Variants in CNTNAP3B observed in about 807,000 individuals in gnomAD.
The protein encoded by CNTNAP3B is contactin associated protein family member 3B, also known as contactin-associated protein-like 3B.
In CNTNAP3B, 25 loss-of-function variants were observed where a neutral mutation model predicts 108.9. That is an observed-to-expected ratio of 0.23 (90% CI 0.17 to 0.32). CNTNAP3B has a LOEUF of 0.32. Ranked by LOEUF, CNTNAP3B falls within the 10% of genes least tolerant of loss-of-function variation. The probability of loss-of-function intolerance (pLI) is 1.00; values close to 1 mark genes in which losing one functional copy is unlikely to be tolerated. For synonymous variants in CNTNAP3B, 103 were observed against 473.4 expected (o/e 0.22, Z 10.16); for missense variants, 252 against 1,210.4 (o/e 0.21, Z 11.75).
intron 13 of CNTNAP3B, among the ~76,000 whole-genome samples, chr9:41,942,239 G>A (rs556151435): frequency 3.3e-4 from 50 of 152,398 alleles, no homozygotes; most frequent in Non-Finnish European, 5.9e-4. Flanking sequence ...ACTTTGGGAG[G>A]CCGAGGCGGG....
chr9:41,954,975 C>T (rs1372345255), intron 12 of CNTNAP3B, among the ~76,000 whole-genome samples: 2 of 151,720 alleles, frequency 1.3e-5, no homozygotes, highest in African/African-American at 4.8e-5. Context: ...TGTGAGCCAC[C>T]ACGCCTGGCC....
intron 14 of CNTNAP3B, among the ~76,000 whole-genome samples, chr9:41,935,674 AT>A (rs1824135641): frequency 6.6e-6 from 1 of 152,260 alleles, no homozygotes; most frequent in Non-Finnish European, 1.5e-5. Context: ...GGATTTCAGA[AT>A]GCTTGTGGTC....
rs1183087453 is a variant in CNTNAP3B, at chr9:42,121,174, G to A, written c.85+7836C>T. Among the ~76,000 whole-genome samples the A allele has an allele frequency of 1.7e-4, 23 of 137,938 alleles. 5 individuals are homozygous for A. The highest frequency in any genetic ancestry group is 6.7e-4 in the African/African-American group (23 of 34,484). The allele number at this position is 137,938 out of a possible 152,430, so 90.5% of individuals were successfully genotyped here. A position where few individuals can be genotyped will look rare whatever the true frequency, so the allele number is the denominator to read the frequency against. On this transcript the variant is annotated intron_variant, in intron 1 of 23. Coordinates refer to ENST00000377561, the MANE Select transcript of CNTNAP3B (RefSeq NM_001201380.3). Reference sequence around the variant, plus strand: ...TGCATTCCCCCTGCTGTCTCTCAGAGGCACAGCTGTGAAACACATTCTACC... The same window carrying A: ...TGCATTCCCCCTGCTGTCTCTCAGAAGCACAGCTGTGAAACACATTCTACC...
intron 12 of CNTNAP3B, among the ~76,000 whole-genome samples, chr9:41,955,817 T>C (rs1370160167): frequency 6.6e-6 from 1 of 152,288 alleles, no homozygotes; most frequent in Non-Finnish European, 1.5e-5. Context: ...ATTAAGCTAA[T>C]TTAACTCATG....
intron 2 of CNTNAP3B, among the ~76,000 whole-genome samples, chr9:42,080,581 G>A (rs1827592522): frequency 7.4e-6 from 1 of 134,444 alleles, no homozygotes; most frequent in Non-Finnish European, 1.6e-5. Context: ...GTAACAGAAA[G>A]AGAAAGGAGA....
chr9:42,127,273 C>T (rs983200552), intron 1 of CNTNAP3B, among the ~76,000 whole-genome samples: 2 of 138,818 alleles, frequency 1.4e-5, no homozygotes, highest in Non-Finnish European at 3.1e-5. Context: ...CTCCCCTCCT[C>T]CAAAAAGAAT....
chr9:42,119,776 A>G (rs1222946929), intron 1 of CNTNAP3B, among the ~76,000 whole-genome samples: 2 of 141,002 alleles, frequency 1.4e-5, no homozygotes, highest in Admixed American at 7.0e-5. Flanking sequence ...AGCCATAAGT[A>G]GAAAGCTGAA....
In CNTNAP3B at chr9:42,069,187, CAAT is replaced by C. The variant is rs928062501; in HGVS notation, c.390+7679_390+7681del. On this transcript the variant is annotated intron_variant, in intron 3 of 23. Coordinates refer to ENST00000377561, the MANE Select transcript of CNTNAP3B (RefSeq NM_001201380.3). ...TTGCTCAAATATTACCAAATATTAC[CAAT>C]ATTACCAATAATCAGACCCAATTAA... Among the ~76,000 whole-genome samples, 999 of 114,906 alleles carry C rather than the reference CAAT, an allele frequency of 8.7e-3. 111 individuals are homozygous for C. The highest frequency in any genetic ancestry group is 0.035 in the African/African-American group (960 of 27,388). The allele number at this position is 114,906 out of a possible 152,430, so 75.4% of individuals were successfully genotyped here.
chr9:41,918,780 C>A (rs1823585910), intron 18 of CNTNAP3B, among the ~76,000 whole-genome samples: 1 of 146,082 alleles, frequency 6.8e-6, no homozygotes, highest in African/African-American at 2.6e-5. Flanking sequence ...GGAGTGGTTA[C>A]TCCTGATGTT....
chr9:41,917,098 A>G (rs1441182460), intron 18 of CNTNAP3B, among the ~76,000 whole-genome samples: 3 of 152,298 alleles, frequency 2.0e-5, no homozygotes, highest in Non-Finnish European at 4.4e-5. Flanking sequence ...GATGTTTTCA[A>G]CCATTATTTT....
intron 3 of CNTNAP3B, among the ~76,000 whole-genome samples, chr9:42,030,075 C>T (rs1345343055): frequency 1.6e-5 from 1 of 62,644 alleles, no homozygotes; most frequent in Non-Finnish European, 2.8e-5. Flanking sequence ...ACCCGGGAGG[C>T]GGAGCTTGCA....
At chr9:42,114,043 T>C (rs1287466567) in intron 1 of CNTNAP3B, among the ~76,000 whole-genome samples, 2 of 122,734 alleles carry the variant, frequency 1.6e-5, no homozygotes, top group East Asian at 2.5e-4. Flanking sequence ...GAGAAGGATA[T>C]GGCTTCTTCC....
intron 10 of CNTNAP3B, among the ~76,000 whole-genome samples, chr9:41,968,985 A>G (rs1279968446): frequency 3.9e-5 from 6 of 152,242 alleles, no homozygotes; most frequent in Non-Finnish European, 7.3e-5. Context: ...TTTAGTAGAG[A>G]CGGGGTTTCA....
intron 13 of CNTNAP3B, among the ~76,000 whole-genome samples, chr9:41,950,747 C>CTTTTT (rs1196034038): frequency 1.1e-4 from 10 of 92,430 alleles, no homozygotes; most frequent in East Asian, 7.3e-4. Flanking sequence ...AGGAGGAATT[C>CTTTTT]TTTTTTTTTT....
chr9:41,943,345 ATT>A (rs1165684239), intron 13 of CNTNAP3B, among the ~76,000 whole-genome samples: 811 of 132,380 alleles, frequency 6.1e-3, no homozygotes, highest in African/African-American at 0.019. Flanking sequence ...TTGGACAATA[ATT>A]TTTTTTTTTT....
chr9:41,928,276 T>A (rs1588044854), intron 15 of CNTNAP3B, among the ~76,000 whole-genome samples: 1 of 152,304 alleles, frequency 6.6e-6, no homozygotes, highest in Admixed American at 6.5e-5. Flanking sequence ...GTCAGAATAT[T>A]TGCATTGGTT....
intron 2 of CNTNAP3B, among the ~76,000 whole-genome samples, chr9:42,085,948 A>G (rs936038197): frequency 6.9e-6 from 1 of 144,742 alleles, no homozygotes; most frequent in Non-Finnish European, 1.5e-5. Flanking sequence ...GTGGTTATCC[A>G]TTCAGTGGCT....
intron 14 of CNTNAP3B, among the ~76,000 whole-genome samples, chr9:41,935,018 G>A (rs1343297350): frequency 3.3e-5 from 5 of 152,036 alleles, no homozygotes; most frequent in African/African-American, 1.2e-4. Flanking sequence ...TTTGCAGACA[G>A]CTGAATTATA....
At chr9:42,124,271 T>A (rs1828521161) in intron 1 of CNTNAP3B, among the ~76,000 whole-genome samples, 2 of 130,132 alleles carry the variant, frequency 1.5e-5, no homozygotes, top group Admixed American at 7.8e-5. Context: ...TGATATTTTT[T>A]AATTTTTATT....
Sources: gnomAD v4.1 joint callset for allele counts (sites outside exome capture counted in the v4.1 genomes callset) on GRCh38, gnomAD v4.1.1 for gene constraint, MANE v1.5 for transcripts, NCBI Gene and HGNC (gene_info 2026-07-23, HGNC 2026-07-21) for gene names.